Variants in MAEA observed in about 807,000 individuals in gnomAD.
MAEA encodes the protein E3 ubiquitin-protein transferase MAEA.
In MAEA, 22 loss-of-function variants were observed where a neutral mutation model predicts 46.2. The observed-to-expected ratio is 0.48, with a 90% confidence interval of 0.34 to 0.68. The LOEUF is 0.68. Among genes scored for constraint, MAEA ranks in the 30% least tolerant of loss-of-function variants. The pLI is 0.01. For synonymous variants in MAEA, 246 were observed against 222.6 expected (o/e 1.11, Z -0.94); for missense variants, 393 against 558.1 (o/e 0.70, Z 2.98).
At chr4:1,329,598 C>T (rs931473591) in intron 5 of MAEA, 8 of 985,416 alleles carry the variant, frequency 8.1e-6, no homozygotes, top group South Asian at 4.7e-5. Context: ...CTGCTGGGGC[C>T]GTCTTGGGAG....
chr4:1,315,784 G>A (rs1183995001), intron 3 of MAEA, among the ~76,000 whole-genome samples, 184 bp downstream of exon 3: 3 of 103,852 alleles, frequency 2.9e-5, no homozygotes, highest in Non-Finnish European at 5.6e-5. Context: ...TCCAGTGTGT[G>A]TGTGTGTCCC....
At chr4:1,327,780 T>C (rs1739036400) in intron 5 of MAEA, 77 bp downstream of exon 5, 17 of 1,339,258 alleles carry the variant, frequency 1.3e-5, no homozygotes, top group Admixed American at 1.7e-5. Context: ...CTCCCTGTCG[T>C]GGTCTGGGTC....
chr4:1,292,933 G>A (rs1734254228), intron 1 of MAEA, among the ~76,000 whole-genome samples: 1 of 125,548 alleles, frequency 8.0e-6, no homozygotes, highest in Admixed American at 9.3e-5. Context: ...TCACTCTGTT[G>A]CCCAGGCTGG....
At chr4:1,323,518 A>G in intron 4 of MAEA, 1 of 702,600 alleles carries the variant, frequency 1.4e-6, no homozygotes, top group East Asian at 2.7e-5. Flanking sequence ...AGCACGAAGC[A>G]AAGACGGGAC....
intron 2 of MAEA, 82 bp from the exon 3 acceptor site, chr4:1,315,315 G>C: frequency 7.5e-7 from 1 of 1,324,772 alleles, no homozygotes; most frequent in Non-Finnish European, 1.1e-6. Flanking sequence ...TGAGTGTTGT[G>C]GATTGGGGCA....
chr4:1,302,116 C>G (rs1172113910), intron 1 of MAEA, among the ~76,000 whole-genome samples: 2 of 151,254 alleles, frequency 1.3e-5, no homozygotes, highest in African/African-American at 2.4e-5. Context: ...TCTTAGAAAA[C>G]TAAGAAAATC....
intron 3 of MAEA, among the ~76,000 whole-genome samples, chr4:1,317,390 G>GGACTCATCTGCAGGCCCCACACTCCA (rs1737426862): frequency 2.3e-5 from 3 of 129,510 alleles, no homozygotes; most frequent in African/African-American, 9.1e-5. Flanking sequence ...CCCACACTCC[G>GGACTCATCTGCAGGCCCCACACTCCA]GACTCACCCG....
In MAEA at chr4:1,311,113, G is replaced by C. The variant is rs542898213; in HGVS notation, c.70-866G>C. Among the ~76,000 whole-genome samples the C allele has an allele frequency of 2.0e-5, 3 of 152,246 alleles. No homozygotes were observed. The highest frequency in any genetic ancestry group is 2.0e-4 in the Admixed American group (3 of 15,290). On this transcript the variant is annotated intron_variant, in intron 1 of 8. Transcript: ENST00000303400. This position sits in a 1 kb window ranked among gnomAD's most constrained non-coding sequence, Gnocchi z 4.4. ...GGAGAGGAGGCGAGGTGGAGCGCTT[G>C]TTCTGGCACAGCTGCGACGGCAGAG...
At chr4:1,309,944 A>G (rs1736278540) in intron 1 of MAEA, 1 of 1,272,902 alleles carries the variant, frequency 7.9e-7, no homozygotes, top group Non-Finnish European at 9.9e-7. Flanking sequence ...GAATGCAGCT[A>G]AGGGACGTCC....
rs996456086 is a variant in MAEA at position 1,304,205 on chromosome 4, G to A, written c.70-7774G>A. On this transcript the variant is annotated intron_variant, in intron 1 of 8. Coordinates refer to ENST00000303400, the MANE Select transcript of MAEA (RefSeq NM_001017405.3). The stretch of plus-strand genomic sequence containing the variant: ...ATGTTGCTGGTCCAAATCGTCGTGT[G>A]CTGTCAATGTAAAGTATGCCCTAGC... 3.3e-5 allele frequency among the ~76,000 whole-genome samples: 5 copies of A among 152,216 alleles called. No individual in the cohort carries two copies. In the East Asian group the frequency reaches 9.6e-4, roughly 29 times the overall value.
At chr4:1,322,899 G>A (rs905216353) in intron 4 of MAEA, among the ~76,000 whole-genome samples, 7 of 151,058 alleles carry the variant, frequency 4.6e-5, no homozygotes, top group South Asian at 2.1e-4. Context: ...CTCCATCTGC[G>A]AGGCTGCAGA....
rs186435290 is a variant in MAEA at position 1,294,857 on chromosome 4, G to A, written c.69+4875G>A. Among the ~76,000 whole-genome samples, 621 of 151,920 alleles carry A rather than the reference G, an allele frequency of 4.1e-3. 21 individuals are homozygous for A. Among genetic ancestry groups the A allele is most frequent in the Admixed American group, 0.038 (572 of 15,226 alleles). ...CGGGGGTGGGGATGAGCTTCCTCCAGTGAATGCGATATTGTGAGCTGGTTG... is the reference window on the plus strand; with the variant it reads ...CGGGGGTGGGGATGAGCTTCCTCCAATGAATGCGATATTGTGAGCTGGTTG... On this transcript the variant is annotated intron_variant, in intron 1 of 8. Transcript: ENST00000303400.
At chr4:1,323,589 T>G in intron 4 of MAEA, 1 of 702,482 alleles carries the variant, frequency 1.4e-6, no homozygotes, top group Non-Finnish European at 2.6e-6. Context: ...ATGGAAACCC[T>G]AAAAGGAAAG....
At chr4:1,314,665 A>C (rs991886241) in intron 2 of MAEA, among the ~76,000 whole-genome samples, 3 of 152,252 alleles carry the variant, frequency 2.0e-5, no homozygotes, top group African/African-American at 7.2e-5. Context: ...AAGTGAAAAT[A>C]AACCGACATG....
intron 2 of MAEA, among the ~76,000 whole-genome samples, chr4:1,313,481 T>C (rs1736764826): frequency 6.6e-6 from 1 of 152,092 alleles, no homozygotes; most frequent in Non-Finnish European, 1.5e-5. Context: ...TGGAAAGCAC[T>C]GTGGAAAGCT....
intron 3 of MAEA, among the ~76,000 whole-genome samples, chr4:1,321,981 T>G (rs1412880955): frequency 6.6e-6 from 1 of 152,086 alleles, no homozygotes; most frequent in East Asian, 1.9e-4. Context: ...TGCTTACTGT[T>G]GATTTTGAAA....
intron 4 of MAEA, among the ~76,000 whole-genome samples, 186 bp downstream of exon 4, chr4:1,322,689 A>G (rs1186707282): frequency 6.6e-6 from 1 of 152,142 alleles, no homozygotes; most frequent in Non-Finnish European, 1.5e-5. Flanking sequence ...GGAAAAGTGC[A>G]CCTCATTTGG....
At chr4:1,338,129 G>T in intron 7 of MAEA, 1 of 393,788 alleles carries the variant, frequency 2.5e-6, no homozygotes. Flanking sequence ...TGCCTGGAGA[G>T]GTTGCGTGGC....
At chr4:1,336,300 C>G (rs557530925) in intron 6 of MAEA, among the ~76,000 whole-genome samples, 6 of 151,880 alleles carry the variant, frequency 4.0e-5, no homozygotes, top group African/African-American at 1.5e-4. Context: ...GTGTTGAAAT[C>G]AGAGACTTAA....
Sources: gnomAD v4.1 joint callset for allele counts (sites outside exome capture counted in the v4.1 genomes callset) on GRCh38, gnomAD v4.1.1 for gene constraint, Gnocchi (gnomAD v3.1) non-coding constraint, MANE v1.5 for transcripts, NCBI Gene and HGNC (gene_info 2026-07-23, HGNC 2026-07-21) for gene names.